The following CERS3 variants were observed in gnomAD, a reference collection of about 807,000 sequenced individuals.
CERS3 encodes LAG1 homolog, ceramide synthase 3.
A neutral mutation model predicts 50.3 loss-of-function variants in CERS3; 33 were observed. The ratio of observed to expected loss-of-function variants is 0.66; its 90% CI spans 0.50 to 0.88. The LOEUF is 0.88. Among genes scored for constraint, CERS3 ranks in the 40% least tolerant of loss-of-function variants. The probability of loss-of-function intolerance (pLI) is 0.00; values close to 1 mark genes in which losing one functional copy is unlikely to be tolerated. For synonymous variants in CERS3, 176 were observed against 155.2 expected, an observed-to-expected ratio of 1.13 and a Z score of -0.99; for missense variants, 470 against 460.3, an observed-to-expected ratio of 1.02 and a Z score of -0.19.
intron 11 of CERS3, among the ~76,000 whole-genome samples, chr15:100,452,213 C>T (rs979534562): frequency 6.6e-6 from 1 of 152,068 alleles, no homozygotes. Flanking sequence ...CCAGGATAGA[C>T]CATATGTTAG....
chr15:100,508,915 T>C (rs2036259359), intron 2 of CERS3, among the ~76,000 whole-genome samples: 1 of 152,218 alleles, frequency 6.6e-6, no homozygotes, highest in African/African-American at 2.4e-5. Flanking sequence ...ATTGTGATTT[T>C]ATTTACATAA....
rs1032555991 is a variant in CERS3, at chr15:100,401,986, C to G, written c.*727G>C. On this transcript the variant is annotated 3_prime_UTR_variant, in exon 12 of 12. Coordinates refer to ENST00000679737, the MANE Select transcript of CERS3 (RefSeq NM_001378789.1). ...ACACCTTTCTTGGCACTTTCATTTC[C>G]AGGTATCTCCAGAGTCATTTAAGAG... 6.6e-6 allele frequency: 1 copy of G among 152,194 alleles called. No homozygotes were observed. Among genetic ancestry groups the G allele is most frequent in the Non-Finnish European group, 1.5e-5 (1 of 68,044 alleles). 9.4% of individuals were successfully genotyped at this position (152,194 alleles called of 1,614,324 possible).
intron 11 of CERS3, among the ~76,000 whole-genome samples, chr15:100,404,260 A>G (rs2030803015): frequency 6.6e-6 from 1 of 152,230 alleles, no homozygotes; most frequent in Non-Finnish European, 1.5e-5. Flanking sequence ...TGTTATTTTG[A>G]GCACCAAATT....
At chr15:100,430,145 T>C (rs2142116391) in intron 11 of CERS3, among the ~76,000 whole-genome samples, 1 of 152,004 alleles carries the variant, frequency 6.6e-6, no homozygotes, top group East Asian at 1.9e-4. Context: ...ACCCTGTCTC[T>C]ACTAAAAATA....
At chr15:100,543,154 C>T (rs2037241524) in intron 1 of CERS3, among the ~76,000 whole-genome samples, 1 of 152,124 alleles carries the variant, frequency 6.6e-6, no homozygotes. Flanking sequence ...TCAGGTGATC[C>T]ACCTGCCTCA....
chr15:100,491,412 T>C (rs575450108), intron 3 of CERS3, among the ~76,000 whole-genome samples: 1 of 152,304 alleles, frequency 6.6e-6, no homozygotes, highest in Admixed American at 6.5e-5. Context: ...TTTAACTTTA[T>C]AAAAAACTGG....
Position 100,402,806 on chromosome 15 carries a change from T to TTCTTCC in CERS3, c.1053_1058dup (p.Glu354_Glu355dup), listed in dbSNP as rs541833197. ...TCTCTTTGCCTTTGGTAGCCTCTTC[T>TTCTTCC]TCTTCCTCTTCCTCTTCCTCTTCAT... is the stretch of plus-strand genomic sequence containing the variant. On this transcript the variant is annotated inframe_insertion, in exon 12 of 12. Coordinates refer to ENST00000679737, the MANE Select transcript of CERS3 (RefSeq NM_001378789.1). The TTCTTCC allele has an allele frequency of 2.4e-5, 39 of 1,613,996 alleles. No individual in the cohort carries two copies. In the African/African-American group the frequency reaches 2.9e-4, roughly 12 times the overall value.
At chr15:100,454,386 T>G (rs1436595104) in intron 11 of CERS3, among the ~76,000 whole-genome samples, 3 of 13,016 alleles carry the variant, frequency 2.3e-4, no homozygotes, top group African/African-American at 7.0e-4. Context: ...CAAGGCATTG[T>G]CAAAAAAAAA....
intron 11 of CERS3, among the ~76,000 whole-genome samples, chr15:100,450,659 T>G (rs539744195): frequency 6.6e-6 from 1 of 152,270 alleles, no homozygotes; most frequent in South Asian, 2.1e-4. Flanking sequence ...ATAGCTGAAG[T>G]GTTCCCAAGT....
chr15:100,540,403 G>A (rs1332561710), intron 1 of CERS3, among the ~76,000 whole-genome samples: 1 of 152,192 alleles, frequency 6.6e-6, no homozygotes, highest in Non-Finnish European at 1.5e-5. Context: ...AATTAGCCGG[G>A]CGTGGTGACA....
chr15:100,540,309 G>A (rs1174288433), intron 1 of CERS3, among the ~76,000 whole-genome samples: 5 of 152,176 alleles, frequency 3.3e-5, no homozygotes, highest in African/African-American at 7.2e-5. Context: ...TTGGGAAGCC[G>A]AGGTGGGTGA....
intron 2 of CERS3, among the ~76,000 whole-genome samples, chr15:100,504,331 CCTTCTGGGTTCAAGCAATT>C (rs2036108468): frequency 6.7e-6 from 1 of 148,210 alleles, no homozygotes; most frequent in African/African-American, 2.5e-5. Context: ...GAAACCTCTG[CCTTCTGGGTTCAAGCAATT>C]CTCCTGCCTC....
At chr15:100,442,876 C>T (rs1014650251) in intron 11 of CERS3, among the ~76,000 whole-genome samples, 2 of 151,932 alleles carry the variant, frequency 1.3e-5, no homozygotes, top group East Asian at 1.9e-4. Context: ...CGGAGGCTAC[C>T]CACTCCACAT....
Position 100,417,991 on chromosome 15 carries a change from C to T in CERS3, c.1000-15126G>A, listed in dbSNP as rs543834387. On this transcript the variant is annotated intron_variant, in intron 11 of 11. Coordinates refer to ENST00000679737, the MANE Select transcript of CERS3 (RefSeq NM_001378789.1). Reference sequence around the variant, plus strand: ...CCACAAAGATGGGGAAAAAACAGAACACAAAAACTGGAAACTCTAAAACGC... The same window carrying T: ...CCACAAAGATGGGGAAAAAACAGAATACAAAAACTGGAAACTCTAAAACGC... Among the ~76,000 whole-genome samples the T allele has an allele frequency of 3.9e-5, 6 of 152,180 alleles. No individual in the cohort carries two copies. The East Asian group carries it at 1.2e-3, about 29-fold the overall frequency.
At chr15:100,426,655 C>T (rs2032830064) in intron 11 of CERS3, among the ~76,000 whole-genome samples, 1 of 152,172 alleles carries the variant, frequency 6.6e-6, no homozygotes, top group Non-Finnish European at 1.5e-5. Context: ...AATACCATAG[C>T]ATTAATTGAA....
intron 3 of CERS3, among the ~76,000 whole-genome samples, chr15:100,497,289 A>G (rs1410083397): frequency 2.7e-5 from 4 of 150,874 alleles, no homozygotes; most frequent in African/African-American, 7.3e-5. Context: ...ACACACAGAG[A>G]GAGAGAGCAT....
chr15:100,507,857 GAA>G (rs1163743089), intron 2 of CERS3, among the ~76,000 whole-genome samples: 3 of 152,274 alleles, frequency 2.0e-5, no homozygotes, highest in Non-Finnish European at 4.4e-5. Context: ...TGCTGCTGAG[GAA>G]AAGATAGTCG....
intron 11 of CERS3, among the ~76,000 whole-genome samples, chr15:100,416,580 G>A (rs564855420): frequency 2.4e-4 from 36 of 152,168 alleles, no homozygotes; most frequent in East Asian, 3.9e-4. Context: ...ACTTACAATC[G>A]TGGCATAAGG....
intron 11 of CERS3, among the ~76,000 whole-genome samples, chr15:100,432,012 C>T (rs964123168): frequency 7.2e-5 from 11 of 152,000 alleles, no homozygotes; most frequent in Admixed American, 2.0e-4. Flanking sequence ...ATAATTAGGA[C>T]GTTTTCATGA....
Sources: gnomAD v4.1 joint callset for allele counts (sites outside exome capture counted in the v4.1 genomes callset) on GRCh38, gnomAD v4.1.1 for gene constraint, MANE v1.5 for transcripts, NCBI Gene and HGNC (gene_info 2026-07-23, HGNC 2026-07-21) for gene names.